The following AGBL1 variants were observed in gnomAD, a reference collection of about 807,000 sequenced individuals.
AGBL1 encodes the protein cytosolic carboxypeptidase 4.
In AGBL1, 130 loss-of-function variants were observed where a neutral mutation model predicts 118.9. The observed-to-expected ratio is 1.09, with a 90% CI of 0.95 to 1.26. AGBL1 has a LOEUF of 1.26. Among genes scored for constraint, AGBL1 ranks in the 50% most tolerant of loss-of-function variants. The pLI is 0.00. For missense variants in AGBL1, 1,584 were observed against 1,298.1 expected (o/e 1.22, Z -3.38); for synonymous variants, 555 against 478.9 (o/e 1.16, Z -2.08).
intron 22 of AGBL1, among the ~76,000 whole-genome samples, chr15:86,847,393 G>C (rs2079335051): frequency 1.3e-5 from 2 of 152,116 alleles, no homozygotes; most frequent in Non-Finnish European, 2.9e-5. Flanking sequence ...ATTCTGATAT[G>C]CCTTCTCTGC....
At chr15:86,236,455 A>C (rs1364960393) in intron 6 of AGBL1, among the ~76,000 whole-genome samples, 2 of 151,666 alleles carry the variant, frequency 1.3e-5, no homozygotes, top group Non-Finnish European at 2.9e-5. Context: ...ATATGAGGCT[A>C]TTGATTGCTG....
chr15:86,706,703 A>G (rs1203485264), intron 22 of AGBL1, among the ~76,000 whole-genome samples: 1 of 152,178 alleles, frequency 6.6e-6, no homozygotes, highest in Non-Finnish European at 1.5e-5. Context: ...AGACAAATGC[A>G]TCCCATTGTT....
intron 17 of AGBL1, among the ~76,000 whole-genome samples, chr15:86,329,143 C>A (rs1412328416): frequency 6.6e-6 from 1 of 152,116 alleles, no homozygotes; most frequent in African/African-American, 2.4e-5. Flanking sequence ...CAGACTGGAA[C>A]CAGTCTGCAT....
chr15:86,144,083 G>T (rs1264182817), intron 3 of AGBL1, among the ~76,000 whole-genome samples: 1 of 152,118 alleles, frequency 6.6e-6, no homozygotes, highest in African/African-American at 2.4e-5. Context: ...TGGGCTACAT[G>T]GGGCATGGAT....
intron 22 of AGBL1, among the ~76,000 whole-genome samples, chr15:86,844,327 T>C (rs1596543425): frequency 6.6e-6 from 1 of 152,198 alleles, no homozygotes. Context: ...TACAATCTCA[T>C]AAGCAGTGAA....
At chr15:86,149,771 G>A (rs574692705) in intron 3 of AGBL1, among the ~76,000 whole-genome samples, 5 of 152,266 alleles carry the variant, frequency 3.3e-5, no homozygotes, top group Admixed American at 2.6e-4. Context: ...TCTGCAGCAA[G>A]CAGACCTAAT....
chr15:86,157,351 CAGA>C (rs2077206505), intron 4 of AGBL1, among the ~76,000 whole-genome samples: 1 of 152,172 alleles, frequency 6.6e-6, no homozygotes, highest in South Asian at 2.1e-4. Context: ...AATGAATAGA[CAGA>C]AGGTGTGCCA....
intron 21 of AGBL1, among the ~76,000 whole-genome samples, chr15:86,638,831 T>G (rs898673851): frequency 3.9e-5 from 6 of 152,324 alleles, no homozygotes; most frequent in African/African-American, 1.4e-4. Context: ...GGTCTGAGTC[T>G]GAGTGTGGCT....
chr15:86,101,307 C>G lies in AGBL1; in HGVS notation c.51+21284C>G, dbSNP rs190371966. 2.5e-3 allele frequency among the ~76,000 whole-genome samples: 375 copies of G among 152,092 alleles called. 5 individuals are homozygous for G. The highest frequency in any genetic ancestry group is 8.7e-3 in the African/African-American group (360 of 41,526). ...TCTATCCTGGAGAATGGTTCATGTGCCAATGAGAAGAAAGTATATTCTGTA... is the reference window on the plus strand; with the variant it reads ...TCTATCCTGGAGAATGGTTCATGTGGCAATGAGAAGAAAGTATATTCTGTA... On this transcript the variant is annotated intron_variant, in intron 1 of 22. Transcript: ENST00000614907.
At chr15:86,452,192 T>C (rs77769415) in intron 18 of AGBL1, among the ~76,000 whole-genome samples, 6,218 of 152,232 alleles carry the variant, frequency 0.041, 182 homozygotes, top group East Asian at 0.095. Flanking sequence ...ATTATAGGCA[T>C]GCTTTGTGTG....
chr15:86,565,713 T>C (rs2083902778), intron 21 of AGBL1, among the ~76,000 whole-genome samples: 2 of 152,248 alleles, frequency 1.3e-5, no homozygotes. Context: ...TGTTTGGCTA[T>C]GCCCTGCCTC....
chr15:86,689,054 A>G (rs996325425), intron 22 of AGBL1, among the ~76,000 whole-genome samples: 2 of 152,098 alleles, frequency 1.3e-5, no homozygotes, highest in African/African-American at 2.4e-5. Context: ...TTACTTTTAT[A>G]TGGTAAATGG....
intron 16 of AGBL1, among the ~76,000 whole-genome samples, chr15:86,292,085 A>G (rs114944783): frequency 0.02 from 3,061 of 152,164 alleles, 105 homozygotes; most frequent in African/African-American, 0.063. Context: ...AGAATAATGG[A>G]CCTCCAAAAT....
At chr15:86,644,274 G>A (rs2085241101) in intron 21 of AGBL1, among the ~76,000 whole-genome samples, 1 of 151,912 alleles carries the variant, frequency 6.6e-6, no homozygotes, top group South Asian at 2.1e-4. Context: ...TTCAGATTGG[G>A]CATTGTGGAG....
intron 19 of AGBL1, among the ~76,000 whole-genome samples, chr15:86,535,640 G>A (rs892852721): frequency 6.6e-6 from 1 of 152,188 alleles, no homozygotes; most frequent in South Asian, 2.1e-4. Flanking sequence ...AGAGGACAGG[G>A]TGGGCATATT....
chr15:86,286,985 T>C (rs995948678), intron 16 of AGBL1, among the ~76,000 whole-genome samples: 4 of 152,058 alleles, frequency 2.6e-5, no homozygotes, highest in Admixed American at 2.0e-4. Flanking sequence ...ACCAATGGTG[T>C]TCAGGGTTCC....
At chr15:86,805,522 A>T (rs1259697961) in intron 22 of AGBL1, among the ~76,000 whole-genome samples, 16 of 151,982 alleles carry the variant, frequency 1.1e-4, no homozygotes, top group Non-Finnish European at 4.4e-5. Flanking sequence ...TGTGCTGTAG[A>T]CATGTGCACA....
intron 18 of AGBL1, among the ~76,000 whole-genome samples, chr15:86,449,488 C>T (rs1026878179): frequency 6.6e-6 from 1 of 152,174 alleles, no homozygotes; most frequent in African/African-American, 2.4e-5. Context: ...GATGGCAAGA[C>T]CTGGGATTGA....
At chr15:86,712,526 C>G (rs1019636465) in intron 22 of AGBL1, among the ~76,000 whole-genome samples, 4 of 152,066 alleles carry the variant, frequency 2.6e-5, no homozygotes, top group African/African-American at 9.7e-5. Flanking sequence ...AAATAATGCC[C>G]AGGCTAAGTA....
Sources: allele counts gnomAD v4.1 joint callset (sites outside exome capture counted in the v4.1 genomes callset), GRCh38; gene constraint gnomAD v4.1.1; transcripts MANE v1.5; gene names NCBI Gene and HGNC (gene_info 2026-07-23, HGNC 2026-07-21).